Variants in POFUT3 observed in about 807,000 individuals in gnomAD.
POFUT3 encodes protein O-fucosyltransferase 3, also known as GDP-fucose protein O-fucosyltransferase 3.
chr8:33,467,929 C>CT, the POFUT3 span, among the ~76,000 whole-genome samples: 1 of 152,124 alleles, frequency 6.6e-6, no homozygotes, highest in Non-Finnish European at 1.5e-5. Context: ...AGGTGACACT[C>CT]TGAGCTTTCC....
chr8:33,340,240 A>G, the POFUT3 span, among the ~76,000 whole-genome samples: 2 of 152,230 alleles, frequency 1.3e-5, no homozygotes, highest in African/African-American at 2.4e-5. Context: ...TAATGCACAC[A>G]CACACATATA....
the POFUT3 span, among the ~76,000 whole-genome samples, chr8:33,346,207 A>G: frequency 6.6e-6 from 1 of 152,054 alleles, no homozygotes; most frequent in African/African-American, 2.4e-5. Flanking sequence ...AAACTGCCTA[A>G]TTGTGAGCTA....
chr8:33,466,559 ATAG>A, the POFUT3 span, among the ~76,000 whole-genome samples: 1 of 152,254 alleles, frequency 6.6e-6, no homozygotes, highest in East Asian at 1.9e-4. Context: ...GCCAGGGTAG[ATAG>A]TAGTATTGTG....
chr8:33,436,683 G>A, the POFUT3 span: 8,059 of 794,774 alleles, frequency 0.01, 209 homozygotes, highest in African/African-American at 0.074. Context: ...GCACGTTTCC[G>A]ATGAACAGCT....
chr8:33,469,544 A>G, the POFUT3 span, among the ~76,000 whole-genome samples: 1 of 152,154 alleles, frequency 6.6e-6, no homozygotes, highest in Admixed American at 6.5e-5. Context: ...ACTGGTGATT[A>G]ATGGGGAAAG....
chr8:33,378,026 C>T, the POFUT3 span, among the ~76,000 whole-genome samples: 1 of 152,132 alleles, frequency 6.6e-6, no homozygotes, highest in Non-Finnish European at 1.5e-5. Context: ...GTGGAGTAAC[C>T]ATATCAGCTG....
the POFUT3 span, among the ~76,000 whole-genome samples, chr8:33,337,815 T>C: frequency 1.9e-3 from 287 of 152,320 alleles, no homozygotes; most frequent in Non-Finnish European, 2.3e-3. Context: ...ACTTATTGCT[T>C]AAACAATGGA....
chr8:33,316,999 C>G, the POFUT3 span, among the ~76,000 whole-genome samples: 1 of 151,848 alleles, frequency 6.6e-6, no homozygotes, highest in Non-Finnish European at 1.5e-5. Flanking sequence ...AGACAGAACC[C>G]CCTCATCAAC....
At chr8:33,338,140 C>T in the POFUT3 span, among the ~76,000 whole-genome samples, 2 of 152,252 alleles carry the variant, frequency 1.3e-5, no homozygotes, top group East Asian at 1.9e-4. Context: ...TTTAAAAGTC[C>T]TATCTCCAAA....
chr8:33,436,643 A>T, the POFUT3 span: 1 of 870,306 alleles, frequency 1.1e-6, no homozygotes, highest in Non-Finnish European at 1.9e-6. Context: ...TAGAAGAGTG[A>T]GCGAATCTCC....
the POFUT3 span, among the ~76,000 whole-genome samples, chr8:33,369,008 C>A: frequency 1.1e-4 from 17 of 152,194 alleles, no homozygotes; most frequent in Non-Finnish European, 2.9e-5. Flanking sequence ...GCGCCTAGTA[C>A]AATGCCTATT....
chr8:33,312,260 T>TG, the POFUT3 span, among the ~76,000 whole-genome samples: 1 of 111,454 alleles, frequency 9.0e-6, no homozygotes, highest in Non-Finnish European at 1.7e-5. Context: ...AGACTCCGTC[T>TG]CAAAAAAAAA....
chr8:33,379,061 T>A, the POFUT3 span, among the ~76,000 whole-genome samples: 101 of 152,208 alleles, frequency 6.6e-4, no homozygotes, highest in East Asian at 0.017. Flanking sequence ...TTTAAATGTG[T>A]GGCATTTCCT....
chr8:33,448,147 C>A, the POFUT3 span, among the ~76,000 whole-genome samples: 1 of 152,036 alleles, frequency 6.6e-6, no homozygotes, highest in African/African-American at 2.4e-5. Context: ...CAAGACCAGC[C>A]TGGACAACAT....
At chr8:33,387,156 C>T in the POFUT3 span, among the ~76,000 whole-genome samples, 1 of 151,860 alleles carries the variant, frequency 6.6e-6, no homozygotes, top group African/African-American at 2.4e-5. Context: ...TAAATTAGAT[C>T]ATACAGGAAG....
chr8:33,345,624 C>T, the POFUT3 span, among the ~76,000 whole-genome samples: 1 of 151,302 alleles, frequency 6.6e-6, no homozygotes, highest in East Asian at 2.0e-4. Context: ...TGGTTTCAAA[C>T]TCCTGACGTC....
At chr8:33,335,970 G>A in the POFUT3 span, among the ~76,000 whole-genome samples, 3 of 151,926 alleles carry the variant, frequency 2.0e-5, no homozygotes, top group Non-Finnish European at 2.9e-5. Flanking sequence ...CAGGCACACC[G>A]GTGTAACTTT....
the POFUT3 span, among the ~76,000 whole-genome samples, chr8:33,365,509 T>A: frequency 2.9e-4 from 43 of 147,860 alleles, no homozygotes; most frequent in South Asian, 8.9e-3. Flanking sequence ...CAATCTACCC[T>A]TCTGACAAAG....
the POFUT3 span, among the ~76,000 whole-genome samples, chr8:33,401,603 T>C: frequency 3.3e-5 from 5 of 152,194 alleles, no homozygotes; most frequent in Admixed American, 2.6e-4. Context: ...ACCATGGAAA[T>C]ACTTCAGTAT....
Sources: gnomAD v4.1 joint callset for allele counts (sites outside exome capture counted in the v4.1 genomes callset) on GRCh38, gnomAD v4.1.1 for gene constraint, MANE v1.5 for transcripts, NCBI Gene and HGNC (gene_info 2026-07-23, HGNC 2026-07-21) for gene names.